Variants in SIPA1L3 observed in about 807,000 individuals in gnomAD.
SIPA1L3 encodes the protein signal-induced proliferation-associated 1-like protein 3.
Under a neutral mutation model 150.1 loss-of-function variants are expected in SIPA1L3, and 59 were observed. The observed-to-expected ratio is 0.39, with a 90% CI of 0.32 to 0.49. The LOEUF (loss-of-function observed/expected upper bound fraction) is 0.49. Ranked by LOEUF, SIPA1L3 falls within the 20% of genes least tolerant of loss-of-function variation. The probability of loss-of-function intolerance (pLI) is 0.86; values close to 1 mark genes in which losing one functional copy is unlikely to be tolerated. For missense variants in SIPA1L3, 2,211 were observed against 2,489.5 expected, an observed-to-expected ratio of 0.89 and a Z score of 2.38; for synonymous variants, 1,070 against 1,077.6, an observed-to-expected ratio of 0.99 and a Z score of 0.14.
chr19:37,968,107 C>T (rs1481630660), intron 1 of SIPA1L3, among the ~76,000 whole-genome samples: 5 of 85,676 alleles, frequency 5.8e-5, no homozygotes, highest in African/African-American at 3.2e-4. Context: ...CAGTGTCTAG[C>T]TTTGTCTCTA....
intron 1 of SIPA1L3, among the ~76,000 whole-genome samples, chr19:37,932,951 C>T (rs2046568910): frequency 6.6e-6 from 1 of 151,846 alleles, no homozygotes; most frequent in South Asian, 2.1e-4. Context: ...TGGATGCAGA[C>T]TTCTGTGCCG....
chr19:38,203,956 A>T, intron 20 of SIPA1L3, 171 bp from the exon 21 acceptor site: 1 of 593,648 alleles, frequency 1.7e-6, no homozygotes, highest in East Asian at 2.9e-5. Context: ...TGGTGGGTGG[A>T]GTGTGCCGGG....
intron 2 of SIPA1L3, among the ~76,000 whole-genome samples, chr19:38,066,215 G>T (rs776882300): frequency 6.6e-6 from 1 of 151,662 alleles, no homozygotes; most frequent in Non-Finnish European, 1.5e-5. Flanking sequence ...ATAGGGTCTC[G>T]TTATGTTATC....
chr19:38,057,052 C>G (rs977559494), intron 2 of SIPA1L3, among the ~76,000 whole-genome samples: 1 of 152,104 alleles, frequency 6.6e-6, no homozygotes, highest in Non-Finnish European at 1.5e-5. Context: ...TGGTGGATCA[C>G]TTGAGGTCAG....
chr19:37,971,116 C>T (rs898291352), intron 1 of SIPA1L3, among the ~76,000 whole-genome samples: 2 of 151,808 alleles, frequency 1.3e-5, no homozygotes, highest in African/African-American at 2.4e-5. Flanking sequence ...ATTCCTCCCC[C>T]ACCTCCCATG....
At chr19:37,954,800 A>G (rs1023668445) in intron 1 of SIPA1L3, among the ~76,000 whole-genome samples, 4 of 152,082 alleles carry the variant, frequency 2.6e-5, no homozygotes, top group African/African-American at 9.7e-5. Context: ...AGAATATGCA[A>G]TTCAGGCTGG....
chr19:38,150,066 T>C (rs1267217329), intron 12 of SIPA1L3, among the ~76,000 whole-genome samples: 1 of 152,202 alleles, frequency 6.6e-6, no homozygotes, highest in Non-Finnish European at 1.5e-5. Context: ...AGTCAGCTAG[T>C]AAGATGAAGA....
Position 38,029,147 on chromosome 19 carries a change from G to A in SIPA1L3, c.-320G>A, listed in dbSNP as rs1211393041. ...CCTCCAAGAGCACTAGTGTCTAGAA[G>A]GCACTAAGGGTGAGTAAGGCGTGGC... On this transcript the variant is annotated 5_prime_UTR_variant, in exon 2 of 22. Coordinates refer to ENST00000222345, the MANE Select transcript of SIPA1L3 (RefSeq NM_015073.3). 3.9e-5 allele frequency: 6 copies of A among 152,118 alleles called. No individual in the cohort carries two copies. Among genetic ancestry groups the A allele is most frequent in the Admixed American group, 3.9e-4 (6 of 15,266 alleles). 9.4% of individuals were successfully genotyped at this position (152,118 alleles called of 1,614,324 possible). A position where few individuals can be genotyped will look rare whatever the true frequency, so the allele number is the denominator to read the frequency against.
In SIPA1L3 at chr19:38,182,273, A is replaced by T. The variant is rs559000875; in HGVS notation, c.4209-246A>T. 3.9e-5 allele frequency among the ~76,000 whole-genome samples: 6 copies of T among 152,252 alleles called. No homozygotes were observed. In the East Asian group the frequency reaches 9.7e-4, roughly 25 times the overall value. On this transcript the variant is annotated intron_variant, in intron 15 of 21. Coordinates refer to ENST00000222345, the MANE Select transcript of SIPA1L3 (RefSeq NM_015073.3). Reference sequence around the variant, plus strand: ...AAGGAGACGGGAGTGAATTTTTCAGATTCCTATAGAGGAACCAAATGTGCT... The same window carrying T: ...AAGGAGACGGGAGTGAATTTTTCAGTTTCCTATAGAGGAACCAAATGTGCT...
chr19:38,065,028 A>T (rs980497535), intron 2 of SIPA1L3, among the ~76,000 whole-genome samples: 7 of 152,202 alleles, frequency 4.6e-5, no homozygotes, highest in African/African-American at 1.7e-4. Context: ...TTATTTTTTT[A>T]AAAATTTCAT....
At position 38,183,342 on chromosome 19, in the gene SIPA1L3, G is replaced by A. The variant is rs531091637; in HGVS notation, c.4430+602G>A. Among the ~76,000 whole-genome samples, 213 of 151,982 alleles carry A rather than the reference G, an allele frequency of 1.4e-3. 1 individual carries two copies. Among genetic ancestry groups the A allele is most frequent in the Admixed American group, 2.0e-3 (31 of 15,290 alleles). ...CTGCTGTCATGGTCCAGGCGCAGAC[G>A]AAGGGGCGGGAGCAGGGTGGGGGCG... On this transcript the variant is annotated intron_variant, in intron 16 of 21. Transcript: ENST00000222345.
At chr19:38,050,574 T>C (rs984285542) in intron 2 of SIPA1L3, among the ~76,000 whole-genome samples, 3 of 152,242 alleles carry the variant, frequency 2.0e-5, no homozygotes, top group Non-Finnish European at 4.4e-5. Context: ...TTTCAAATGT[T>C]GTATCCTTTC....
At chr19:38,194,324 G>C (rs559936597) in intron 18 of SIPA1L3, among the ~76,000 whole-genome samples, 107 of 152,170 alleles carry the variant, frequency 7.0e-4, no homozygotes, top group African/African-American at 2.4e-3. Context: ...GCTGGAGTTG[G>C]CCGTGCCCCA....
chr19:37,994,275 G>A (rs1176608547), intron 1 of SIPA1L3, among the ~76,000 whole-genome samples: 2 of 152,182 alleles, frequency 1.3e-5, no homozygotes, highest in Non-Finnish European at 2.9e-5. Context: ...GCTAAAGTTG[G>A]TACTTAAGCC....
At chr19:37,908,935 G>T (rs1163730394) in intron 1 of SIPA1L3, among the ~76,000 whole-genome samples, 1 of 152,168 alleles carries the variant, frequency 6.6e-6, no homozygotes, top group East Asian at 1.9e-4. Context: ...TGTGGAGCCT[G>T]TGCTTCTTTG....
At chr19:38,063,206 C>T (rs150108561) in intron 2 of SIPA1L3, among the ~76,000 whole-genome samples, 4 of 152,176 alleles carry the variant, frequency 2.6e-5, no homozygotes, top group African/African-American at 7.2e-5. Context: ...CCTCCACCCC[C>T]CTCCCCACTC....
intron 1 of SIPA1L3, among the ~76,000 whole-genome samples, chr19:37,968,122 A>G (rs1198813293): frequency 2.1e-5 from 2 of 97,134 alleles, no homozygotes; most frequent in African/African-American, 5.0e-5. Flanking sequence ...TCTCTAGGCT[A>G]GAGTGCAGTG....
chr19:38,121,506 C>T (rs1364330567), intron 9 of SIPA1L3, among the ~76,000 whole-genome samples: 2 of 151,298 alleles, frequency 1.3e-5, no homozygotes, highest in Non-Finnish European at 2.9e-5. Flanking sequence ...TTTGGGAGGC[C>T]GAGGTGGGCA....
chr19:38,139,257 T>G (rs1346071621), intron 10 of SIPA1L3, among the ~76,000 whole-genome samples: 10 of 152,120 alleles, frequency 6.6e-5, no homozygotes, highest in Admixed American at 6.5e-4. Flanking sequence ...CACATGACAA[T>G]TCTGTGCTAG....
Sources: gnomAD v4.1 joint callset for allele counts (sites outside exome capture counted in the v4.1 genomes callset) on GRCh38, gnomAD v4.1.1 for gene constraint, MANE v1.5 for transcripts, NCBI Gene and HGNC (gene_info 2026-07-23, HGNC 2026-07-21) for gene names.